DNAJC10: variants seen among roughly 807,000 people sequenced by gnomAD.
DNAJC10 encodes the protein endoplasmic reticulum disulfide reductase DNAJC10.
A neutral mutation model predicts 115.0 loss-of-function variants in DNAJC10; 101 were observed. The ratio of observed to expected loss-of-function variants is 0.88; its 90% CI spans 0.75 to 1.04. DNAJC10 has a LOEUF of 1.04. Among genes scored for constraint, DNAJC10 ranks in the 50% least tolerant of loss-of-function variants. DNAJC10 has a pLI of 0.00. For synonymous variants in DNAJC10, 307 were observed against 301.5 expected, an observed-to-expected ratio of 1.02 and a Z score of -0.19; for missense variants, 981 against 928.8, an observed-to-expected ratio of 1.06 and a Z score of -0.73.
At chr2:182,731,233 A>G (rs1425387892) in intron 9 of DNAJC10, 126 bp downstream of exon 9, 3 of 601,668 alleles carry the variant, frequency 5.0e-6, no homozygotes, top group African/African-American at 3.8e-5. Context: ...CAGGATTACA[A>G]TTTTTTTACT....
chr2:182,731,182 C>T, intron 9 of DNAJC10, 75 bp downstream of exon 9: 1 of 1,060,286 alleles, frequency 9.4e-7, no homozygotes. Context: ...AAGTATGCTA[C>T]TGTAATTGAT....
At chr2:182,731,233 A>AT in intron 9 of DNAJC10, 126 bp downstream of exon 9, 3 of 601,786 alleles carry the variant, frequency 5.0e-6, no homozygotes, top group South Asian at 2.7e-5. Context: ...CAGGATTACA[A>AT]TTTTTTTACT....
chr2:182,742,531 G>A (rs1693761938), intron 13 of DNAJC10, among the ~76,000 whole-genome samples: 1 of 152,056 alleles, frequency 6.6e-6, no homozygotes, highest in Non-Finnish European at 1.5e-5. Flanking sequence ...TTCTTAAATG[G>A]TTTTTATTCT....
rs1316824709 is a variant in DNAJC10 at position 182,785,609 on chromosome 2, AT to A, written c.*8481del. ...CAGGCAAGAATCGGGAATGTGGGAAATTTTGTAGGACAAATGGTATGATTTC... is the reference window on the plus strand; with the variant it reads ...CAGGCAAGAATCGGGAATGTGGGAAATTTGTAGGACAAATGGTATGATTTC... On this transcript the variant is annotated 3_prime_UTR_variant, in exon 24 of 24. Transcript: ENST00000264065. 6.6e-6 allele frequency: 1 copy of A among 152,164 alleles called. No homozygotes were observed. The highest frequency in any genetic ancestry group is 1.5e-5 in the Non-Finnish European group (1 of 68,012). The allele number at this position is 152,164 out of a possible 1,614,324, so 9.4% of individuals were successfully genotyped here. A position where few individuals can be genotyped will look rare whatever the true frequency, so the allele number is the denominator to read the frequency against.
chr2:182,731,434 C>A (rs982458901), intron 9 of DNAJC10, among the ~76,000 whole-genome samples: 1 of 152,068 alleles, frequency 6.6e-6, no homozygotes, highest in African/African-American at 2.4e-5. Context: ...TCTAACCCCT[C>A]CCAAAATAAT....
intron 20 of DNAJC10, 118 bp from the exon 21 acceptor site, chr2:182,759,042 T>G: frequency 9.5e-7 from 1 of 1,047,298 alleles, no homozygotes; most frequent in Non-Finnish European, 1.4e-6. Flanking sequence ...TACTGTACTT[T>G]ATTACATTGC....
chr2:182,750,842 A>G (rs1413360727), intron 14 of DNAJC10, among the ~76,000 whole-genome samples: 1 of 152,210 alleles, frequency 6.6e-6, no homozygotes, highest in Non-Finnish European at 1.5e-5. Context: ...TTTCAGCTCC[A>G]TTATAATCTT....
Position 182,775,430 on chromosome 2 carries a change from A to C in DNAJC10, c.2370+10A>C, listed in dbSNP as rs367978668. The C allele has an allele frequency of 1.1e-5, 17 of 1,586,804 alleles. No individual in the cohort carries two copies. Among genetic ancestry groups the C allele is most frequent in the Non-Finnish European group, 1.5e-5 (17 of 1,158,984 alleles). On this transcript the variant is annotated intron_variant, in intron 23 of 23. Coordinates refer to ENST00000264065, the MANE Select transcript of DNAJC10 (RefSeq NM_018981.4). ...AGGCAAGAGGAATAAGGTATGGACT[A>C]AGCCTAGAGTTGACTTTGGCAAAAG...
chr2:182,723,677 C>T (rs764223716), intron 5 of DNAJC10, among the ~76,000 whole-genome samples: 10 of 152,074 alleles, frequency 6.6e-5, no homozygotes, highest in Non-Finnish European at 1.5e-4. Flanking sequence ...CAGAAAACAT[C>T]GGAATTACAG....
At chr2:182,739,629 A>C in intron 11 of DNAJC10, 1 of 1,138,668 alleles carries the variant, frequency 8.8e-7, no homozygotes, top group Non-Finnish European at 1.1e-6. Context: ...CAAATAAAGA[A>C]GATTTGTTAG....
At chr2:182,750,006 C>T (rs901128765) in intron 14 of DNAJC10, among the ~76,000 whole-genome samples, 1 of 152,184 alleles carries the variant, frequency 6.6e-6, no homozygotes, top group Non-Finnish European at 1.5e-5. Context: ...AGTTCCTCAT[C>T]ATGTGGGCCT....
chr2:182,752,265 TA>T (rs1694042523), intron 16 of DNAJC10, 77 bp downstream of exon 16: 1 of 649,854 alleles, frequency 1.5e-6, no homozygotes, highest in Non-Finnish European at 2.4e-6. Context: ...ATTAAAACAT[TA>T]AAATAACTTA....
At chr2:182,753,655 T>C (rs1694084674) in intron 16 of DNAJC10, among the ~76,000 whole-genome samples, 1 of 134,462 alleles carries the variant, frequency 7.4e-6, no homozygotes, top group African/African-American at 2.8e-5. Flanking sequence ...CAATCTCAGC[T>C]CACTGCAAGC....
chr2:182,761,759 C>T (rs959899648), intron 21 of DNAJC10, among the ~76,000 whole-genome samples: 5 of 152,050 alleles, frequency 3.3e-5, no homozygotes, highest in African/African-American at 4.8e-5. Context: ...GATATGAAAT[C>T]GAAGAGAATG....
chr2:182,744,699 C>T (rs79047213), intron 14 of DNAJC10, among the ~76,000 whole-genome samples: 3,828 of 152,056 alleles, frequency 0.025, 161 homozygotes, highest in African/African-American at 0.088. Context: ...TTTACAACAG[C>T]CCAGTGAAGG....
At chr2:182,722,391 G>A (rs1218025709) in intron 5 of DNAJC10, among the ~76,000 whole-genome samples, 1 of 152,126 alleles carries the variant, frequency 6.6e-6, no homozygotes, top group Admixed American at 6.5e-5. Flanking sequence ...TTTGATTTTA[G>A]AGTTTTGGAT....
At chr2:182,750,478 G>C (rs567171249) in intron 14 of DNAJC10, among the ~76,000 whole-genome samples, 50 of 152,144 alleles carry the variant, frequency 3.3e-4, no homozygotes, top group Non-Finnish European at 6.2e-4. Context: ...GGTGAGAAAA[G>C]GAGCAGGTTT....
intron 12 of DNAJC10, among the ~76,000 whole-genome samples, chr2:182,740,606 C>G (rs906493287): frequency 8.5e-5 from 13 of 152,074 alleles, no homozygotes; most frequent in Non-Finnish European, 1.6e-4. Flanking sequence ...CCTACTCAGT[C>G]CTGAAGGTGG....
At chr2:182,718,669 A>G (rs1037793350) in intron 3 of DNAJC10, among the ~76,000 whole-genome samples, 2 of 152,242 alleles carry the variant, frequency 1.3e-5, no homozygotes, top group Non-Finnish European at 2.9e-5. Context: ...ATGACTTGCT[A>G]AAAATAGAAG....
Sources: allele counts gnomAD v4.1 joint callset (sites outside exome capture counted in the v4.1 genomes callset), GRCh38; gene constraint gnomAD v4.1.1; transcripts MANE v1.5; gene names NCBI Gene and HGNC (gene_info 2026-07-23, HGNC 2026-07-21).